The following PCDH15 variants were observed in gnomAD, a reference collection of about 807,000 sequenced individuals.
PCDH15 encodes protocadherin related 15, also known as protocadherin-15.
In PCDH15, 129 loss-of-function variants were observed where a neutral mutation model predicts 178.5. That is an observed-to-expected ratio of 0.72 (90% confidence interval 0.63 to 0.84). The LOEUF (loss-of-function observed/expected upper bound fraction) is 0.84, where lower values mean the gene tolerates loss of function less well. Among genes scored for constraint, PCDH15 ranks in the 40% least tolerant of loss-of-function variants. The pLI is 0.00. For missense variants in PCDH15, 2,230 were observed against 2,099.9 expected (o/e 1.06, Z -1.21); for synonymous variants, 800 against 732.0 (o/e 1.09, Z -1.50).
At chr10:54,040,806 A>G (rs1590069309) in intron 18 of PCDH15, among the ~76,000 whole-genome samples, 1 of 152,030 alleles carries the variant, frequency 6.6e-6, no homozygotes, top group East Asian at 1.9e-4. Context: ...AAAAATGTCA[A>G]TTTCCCAAGC....
chr10:54,362,846 C>A (rs1035389202), intron 5 of PCDH15, among the ~76,000 whole-genome samples: 1 of 151,934 alleles, frequency 6.6e-6, no homozygotes, highest in Non-Finnish European at 1.5e-5. Context: ...GACCGTAATT[C>A]ATATAGTTCA....
chr10:53,995,746 G>A lies in PCDH15; in HGVS notation c.2771C>T (p.Pro924Leu). The A allele has an allele frequency of 6.2e-7, 1 of 1,613,748 alleles. No homozygotes were observed. Among genetic ancestry groups the A allele is most frequent in the Non-Finnish European group, 8.5e-7 (1 of 1,179,734 alleles). ...VIVKDMNDYP[P>L]VFSKRIYKGM... Reference sequence around the variant, plus strand: ...TTTGTATATTCGTTTACTAAAGACAGGAGGATAATCATTCATATCCTGTAA... The same window carrying A: ...TTTGTATATTCGTTTACTAAAGACAAGAGGATAATCATTCATATCCTGTAA... The change falls in exon 21 of 38, where the codon CCT (proline) becomes CTT (leucine). Residue 924 changes from proline to leucine, a missense_variant. Pro to Leu is a moderately conservative substitution (Grantham distance 98, BLOSUM62 -3). Coordinates refer to ENST00000644397, the MANE Select transcript of PCDH15 (RefSeq NM_001384140.1).
chr10:54,561,016 C>T (rs2088067743), intron 2 of PCDH15, among the ~76,000 whole-genome samples: 2 of 152,048 alleles, frequency 1.3e-5, no homozygotes, highest in South Asian at 2.1e-4. Flanking sequence ...GGATTAGAAA[C>T]TCTGTTAATG....
intron 2 of PCDH15, among the ~76,000 whole-genome samples, chr10:55,511,215 A>G (rs1840878826): frequency 6.6e-6 from 1 of 151,576 alleles, no homozygotes; most frequent in Non-Finnish European, 1.5e-5. Flanking sequence ...TCTGTCCTTA[A>G]TATTTATTGT....
chr10:54,589,891 C>T (rs1009197532), intron 2 of PCDH15, among the ~76,000 whole-genome samples: 6 of 152,128 alleles, frequency 3.9e-5, no homozygotes, highest in East Asian at 1.9e-4. Context: ...CCACTGTGCC[C>T]GGCCCGTTCA....
chr10:54,528,677 T>C (rs1168811092), intron 2 of PCDH15, among the ~76,000 whole-genome samples: 1 of 151,950 alleles, frequency 6.6e-6, no homozygotes, highest in Non-Finnish European at 1.5e-5. Context: ...ATAAAGTAAA[T>C]TGGTATTTTT....
At chr10:55,553,836 T>C (rs916309912) in intron 2 of PCDH15, among the ~76,000 whole-genome samples, 15 of 152,012 alleles carry the variant, frequency 9.9e-5, no homozygotes, top group Middle Eastern at 6.8e-3. Flanking sequence ...ATGATTATGG[T>C]GATAATGACG....
chr10:54,903,532 T>C (rs941135985), intron 2 of PCDH15, among the ~76,000 whole-genome samples: 3 of 151,322 alleles, frequency 2.0e-5, no homozygotes, highest in African/African-American at 7.3e-5. Flanking sequence ...ATCTGAAAAA[T>C]AAAATAGAAA....
At chr10:53,938,676 A>T (rs1475929711) in intron 25 of PCDH15, 139 bp downstream of exon 25, 1 of 904,138 alleles carries the variant, frequency 1.1e-6, no homozygotes, top group Admixed American at 2.3e-5. Flanking sequence ...TGTTTAAACG[A>T]ATAGGCAATC....
intron 3 of PCDH15, among the ~76,000 whole-genome samples, chr10:54,852,676 C>G (rs1329350903): frequency 6.6e-6 from 1 of 150,892 alleles, no homozygotes; most frequent in Admixed American, 6.6e-5. Context: ...GATGGTGAAA[C>G]CCCGTTTCTA....
chr10:55,386,242 A>G (rs1258223387), intron 2 of PCDH15, among the ~76,000 whole-genome samples: 1 of 152,040 alleles, frequency 6.6e-6, no homozygotes, highest in African/African-American at 2.4e-5. Context: ...ACTCATGAGT[A>G]ATTTTTATAT....
rs1222848432 is a variant in PCDH15, at chr10:55,309,638, C to T, written c.-156+9961G>A. On this transcript the variant is annotated intron_variant, in intron 1 of 5. Coordinates refer to the PCDH15 transcript ENST00000458638. The stretch of plus-strand genomic sequence containing the variant: ...ACTAGGATAAGAATATAACATAAAT[C>T]AATGGGTGATCACAATAGGAAAAAA... 2.6e-5 allele frequency among the ~76,000 whole-genome samples: 4 copies of T among 151,844 alleles called. No individual in the cohort carries two copies. The South Asian group carries it at 8.3e-4, about 32-fold the overall frequency.
chr10:55,537,378 A>G (rs1841602230), intron 2 of PCDH15, among the ~76,000 whole-genome samples: 1 of 151,590 alleles, frequency 6.6e-6, no homozygotes, highest in South Asian at 2.1e-4. Flanking sequence ...AACACCTGCT[A>G]TTTACTTTAT....
intron 3 of PCDH15, among the ~76,000 whole-genome samples, chr10:54,522,522 C>T (rs951153298): frequency 2.6e-5 from 4 of 152,146 alleles, no homozygotes; most frequent in African/African-American, 9.7e-5. Flanking sequence ...ATGTAATTTC[C>T]TCAAAGAAAC....
At chr10:54,897,376 A>C (rs1393953301) in intron 3 of PCDH15, 2 of 152,226 alleles carry the variant, frequency 1.3e-5, no homozygotes, top group Non-Finnish European at 1.5e-5. Context: ...CTTTTGAGAT[A>C]CAGCTCTTAG....
chr10:53,957,563 A>G (rs2134248197), intron 23 of PCDH15, among the ~76,000 whole-genome samples: 1 of 149,798 alleles, frequency 6.7e-6, no homozygotes, highest in South Asian at 2.1e-4. Flanking sequence ...CAGCCTGGAT[A>G]CAATGGACAA....
rs538203203 is a variant in PCDH15 at position 54,529,506 on chromosome 10, GA to G, written c.92-1630del. On this transcript the variant is annotated intron_variant, in intron 2 of 37. Transcript: ENST00000644397. Reference sequence around the variant, plus strand: ...CTTACATGTTTCTTTTGGAGAAAATGAAAAAAAAATCAGAAGAACAAAGTTT... The same window carrying G: ...CTTACATGTTTCTTTTGGAGAAAATGAAAAAAAATCAGAAGAACAAAGTTT... Among the ~76,000 whole-genome samples the G allele has an allele frequency of 5.3e-5, 8 of 150,382 alleles. No individual in the cohort carries two copies. The Middle Eastern group carries it at 0.01, about 192-fold the overall frequency.
intron 10 of PCDH15, among the ~76,000 whole-genome samples, chr10:54,196,425 A>G (rs932428972): frequency 8.5e-5 from 13 of 152,202 alleles, no homozygotes; most frequent in South Asian, 4.1e-4. Flanking sequence ...TACAGGCGTG[A>G]GCCACCGCGC....
At chr10:54,299,259 AAGAGACAG>A (rs1409923129) in intron 8 of PCDH15, among the ~76,000 whole-genome samples, 2 of 151,940 alleles carry the variant, frequency 1.3e-5, no homozygotes, top group African/African-American at 4.8e-5. Context: ...GAGAGAGAGG[AAGAGACAG>A]AGAGACAGAG....
Sources: allele counts gnomAD v4.1 joint callset (sites outside exome capture counted in the v4.1 genomes callset), GRCh38; gene constraint gnomAD v4.1.1; transcripts MANE v1.5; gene names NCBI Gene and HGNC (gene_info 2026-07-23, HGNC 2026-07-21).